The following RBFOX1 variants were observed in gnomAD, a reference collection of about 807,000 sequenced individuals.
RBFOX1 encodes RNA binding fox-1 homolog 1.
RBFOX1 carries 8 observed loss-of-function variants against 57.7 expected under a neutral mutation model. That is an observed-to-expected ratio of 0.14 (90% CI 0.08 to 0.25). The LOEUF is 0.25. RBFOX1 is among the 10% of genes least tolerant of loss of function. The probability of loss-of-function intolerance (pLI) is 1.00; values close to 1 mark genes in which losing one functional copy is unlikely to be tolerated. For synonymous variants in RBFOX1, 326 were observed against 222.4 expected, an observed-to-expected ratio of 1.47 and a Z score of -4.15; for missense variants, 611 against 548.5, an observed-to-expected ratio of 1.11 and a Z score of -1.14.
At chr16:7,058,290 A>G (rs1385182684) in intron 4 of RBFOX1, among the ~76,000 whole-genome samples, 3 of 152,202 alleles carry the variant, frequency 2.0e-5, no homozygotes, top group Middle Eastern at 3.2e-3. Flanking sequence ...AAACTAAAGT[A>G]TCTTTAGCAG....
chr16:6,422,175 G>A (rs990065231), intron 2 of RBFOX1, among the ~76,000 whole-genome samples: 1 of 150,890 alleles, frequency 6.6e-6, no homozygotes, highest in Non-Finnish European at 1.5e-5. Context: ...TGCCACCTTG[G>A]CCTCCCAAAA....
At chr16:5,801,047 C>T (rs1029033218) in intron 3 of RBFOX1, among the ~76,000 whole-genome samples, 2 of 152,074 alleles carry the variant, frequency 1.3e-5, no homozygotes, top group Non-Finnish European at 2.9e-5. Flanking sequence ...ACAGGATTGC[C>T]ACTTTTGATG....
intron 3 of RBFOX1, among the ~76,000 whole-genome samples, chr16:6,763,081 T>G (rs892368684): frequency 6.6e-5 from 10 of 152,200 alleles, no homozygotes; most frequent in African/African-American, 2.2e-4. Flanking sequence ...AGGACTGTAT[T>G]ACGAGAACTT....
At chr16:6,985,704 G>A (rs2090084689) in intron 3 of RBFOX1, among the ~76,000 whole-genome samples, 1 of 151,936 alleles carries the variant, frequency 6.6e-6, no homozygotes, top group Admixed American at 6.6e-5. Context: ...CATGGTGTCA[G>A]GTGCCTATAA....
intron 4 of RBFOX1, among the ~76,000 whole-genome samples, chr16:7,141,597 A>G (rs1351750649): frequency 2.0e-5 from 3 of 152,174 alleles, no homozygotes; most frequent in Non-Finnish European, 2.9e-5. Flanking sequence ...GTACCAGATG[A>G]AAGATTGCAT....
chr16:5,597,395 C>CTTTTTTT (rs35058375), intron 2 of RBFOX1, among the ~76,000 whole-genome samples: 1 of 114,426 alleles, frequency 8.7e-6, no homozygotes, highest in African/African-American at 3.4e-5. Flanking sequence ...AGCTTGCTGA[C>CTTTTTTT]TTTTTTTTTT....
chr16:5,936,654 C>G (rs1372897544), intron 4 of RBFOX1, among the ~76,000 whole-genome samples: 1 of 152,196 alleles, frequency 6.6e-6, no homozygotes. Flanking sequence ...AAGGATGTAC[C>G]TTTCAACTTG....
intron 2 of RBFOX1, chr16:6,573,955 C>A (rs9940967): frequency 0.57 from 86,059 of 152,084 alleles, 24,783 homozygotes; most frequent in East Asian, 0.71. Flanking sequence ...GAGGTTATAC[C>A]CTCGCTTAGG....
At chr16:5,779,890 G>C (rs1232883245) in intron 3 of RBFOX1, among the ~76,000 whole-genome samples, 1 of 152,134 alleles carries the variant, frequency 6.6e-6, no homozygotes, top group Non-Finnish European at 1.5e-5. Context: ...TTTCTCACTT[G>C]TAAAATAAAT....
At chr16:6,403,966 T>G (rs1343452902) in intron 2 of RBFOX1, among the ~76,000 whole-genome samples, 1 of 152,008 alleles carries the variant, frequency 6.6e-6, no homozygotes, top group African/African-American at 2.4e-5. Context: ...GGAAAAGAGC[T>G]CTCACCAGAA....
chr16:7,398,060 C>A (rs1317228080), intron 4 of RBFOX1, among the ~76,000 whole-genome samples: 3 of 151,930 alleles, frequency 2.0e-5, no homozygotes, highest in African/African-American at 2.4e-5. Context: ...ATTTAACCTC[C>A]CCCAGTTGCT....
intron 3 of RBFOX1, chr16:6,874,081 A>C (rs1001675285): frequency 2.0e-5 from 3 of 152,210 alleles, no homozygotes; most frequent in African/African-American, 7.2e-5. Context: ...AGACACTTGC[A>C]CATGCATGTT....
chr16:7,400,987 G>A (rs993508294), intron 4 of RBFOX1, among the ~76,000 whole-genome samples: 2 of 152,258 alleles, frequency 1.3e-5, no homozygotes, highest in East Asian at 1.9e-4. Context: ...TTGGAACCCC[G>A]CATGAAACTC....
chr16:6,009,549 G>C (rs2094947674), intron 4 of RBFOX1, among the ~76,000 whole-genome samples: 1 of 152,036 alleles, frequency 6.6e-6, no homozygotes, highest in Non-Finnish European at 1.5e-5. Context: ...ATATATTTAT[G>C]GTGCATAATC....
At chr16:7,322,641 C>A (rs777818856) in intron 4 of RBFOX1, among the ~76,000 whole-genome samples, 11 of 152,070 alleles carry the variant, frequency 7.2e-5, no homozygotes, top group Non-Finnish European at 1.6e-4. Flanking sequence ...GGGATGAGGG[C>A]ACAATTCAGA....
chr16:7,050,159 T>A (rs1203619213), intron 3 of RBFOX1, among the ~76,000 whole-genome samples: 1 of 151,904 alleles, frequency 6.6e-6, no homozygotes, highest in Non-Finnish European at 1.5e-5. Flanking sequence ...GTGGGCTTTT[T>A]TTTTTTGGAT....
At chr16:6,259,764 C>G (rs996867620) in intron 1 of RBFOX1, among the ~76,000 whole-genome samples, 8 of 152,048 alleles carry the variant, frequency 5.3e-5, no homozygotes, top group African/African-American at 1.9e-4. Context: ...TCGAGACCAG[C>G]CTGGCAAACA....
At chr16:6,888,140 A>C (rs947589457) in intron 3 of RBFOX1, among the ~76,000 whole-genome samples, 1 of 152,158 alleles carries the variant, frequency 6.6e-6, no homozygotes, top group African/African-American at 2.4e-5. Flanking sequence ...GGTTTTATTT[A>C]GGATTTAAGA....
At position 5,981,071 on chromosome 16, in the gene RBFOX1, A is replaced by G. The variant is rs148331652; in HGVS notation, c.351+113736A>G. 5.4e-3 allele frequency among the ~76,000 whole-genome samples: 829 copies of G among 152,336 alleles called. 9 individuals carry two copies. Among genetic ancestry groups the G allele is most frequent in the African/African-American group, 0.018 (754 of 41,580 alleles). On this transcript the variant is annotated intron_variant, in intron 4 of 19. Coordinates refer to the RBFOX1 transcript ENST00000641259. The stretch of plus-strand genomic sequence containing the variant: ...CTACGTTCCTCTTGACAGGATGCTC[A>G]GTGGGTCCTACACCTTTGATATCAG...
Sources: gnomAD v4.1 joint callset for allele counts (sites outside exome capture counted in the v4.1 genomes callset) on GRCh38, gnomAD v4.1.1 for gene constraint, MANE v1.5 for transcripts, NCBI Gene and HGNC (gene_info 2026-07-23, HGNC 2026-07-21) for gene names.